NAV2: variants seen among roughly 807,000 people sequenced by gnomAD.
NAV2 encodes helicase, APC down-regulated 1.
NAV2 carries 54 observed loss-of-function variants against 223.2 expected under a neutral mutation model. The observed-to-expected ratio is 0.24, with a 90% confidence interval of 0.19 to 0.30. NAV2 has a LOEUF of 0.30. NAV2 is among the 10% of genes least tolerant of loss of function. NAV2 has a pLI of 1.00. For synonymous variants in NAV2, 1,279 were observed against 1,239.3 expected, an observed-to-expected ratio of 1.03 and a Z score of -0.67; for missense variants, 2,806 against 3,147.5, an observed-to-expected ratio of 0.89 and a Z score of 2.60.
At chr11:19,982,896 C>T (rs560845113) in intron 10 of NAV2, among the ~76,000 whole-genome samples, 1 of 152,174 alleles carries the variant, frequency 6.6e-6, no homozygotes, top group African/African-American at 2.4e-5. Context: ...AGGGTCGACT[C>T]CATATATGCA....
intron 10 of NAV2, among the ~76,000 whole-genome samples, chr11:19,968,650 C>T (rs1004646581): frequency 2.3e-4 from 35 of 152,206 alleles, no homozygotes; most frequent in Non-Finnish European, 5.0e-4. Context: ...TGTCTACCTT[C>T]TTGTGGAAGT....
intron 1 of NAV2, among the ~76,000 whole-genome samples, chr11:19,824,354 AT>A (rs2059543382): frequency 6.6e-6 from 1 of 152,330 alleles, no homozygotes; most frequent in South Asian, 2.1e-4. Context: ...AAGCCCACAA[AT>A]GTCCCAAGTA....
Position 19,933,560 on chromosome 11 carries a change from G to T in NAV2, c.1316G>T (p.Ser439Ile), listed in dbSNP as rs374272622. ...RLETLPSFEE[S>I]EELEAASRML... Reference sequence around the variant, plus strand: ...GAGACTCTGCCCAGCTTCGAAGAGAGCGAGGAGCTGGAGGCCGCCAGTCGC... The same window carrying T: ...GAGACTCTGCCCAGCTTCGAAGAGATCGAGGAGCTGGAGGCCGCCAGTCGC... Residue 439 changes from serine to isoleucine, a missense_variant, in exon 7 of 38, where the codon AGC becomes ATC. Coordinates refer to ENST00000349880, the MANE Select transcript of NAV2 (RefSeq NM_145117.5). The surrounding 1 kb of genome is among the most constrained non-coding windows in gnomAD (Gnocchi z 4.3). 37 of 1,610,572 alleles carry T rather than the reference G, an allele frequency of 2.3e-5. No individual in the cohort carries two copies. Among genetic ancestry groups the T allele is most frequent in the Non-Finnish European group, 2.8e-5 (33 of 1,178,016 alleles).
chr11:19,742,159 C>G (rs1262444906), intron 1 of NAV2, among the ~76,000 whole-genome samples: 1 of 152,186 alleles, frequency 6.6e-6, no homozygotes, highest in Non-Finnish European at 1.5e-5. Flanking sequence ...TCCTGAGCCC[C>G]TTATACTCCA....
At chr11:20,060,936 C>G (rs1300569245) in intron 19 of NAV2, among the ~76,000 whole-genome samples, 1 of 152,182 alleles carries the variant, frequency 6.6e-6, no homozygotes, top group East Asian at 1.9e-4. Context: ...TACTTATCAG[C>G]TATCTTGTTG....
chr11:20,107,765 G>A lies in NAV2; in HGVS notation c.6943G>A (p.Val2315Ile), dbSNP rs35891966. Residue 2315 changes from valine to isoleucine, a missense_variant, in exon 36 of 38, where the codon GTC becomes ATC. Transcript: ENST00000349880. ...YSIIPYLLEA[V>I]REGLQLYGRR... ...CATTATCCCCTATCTCCTGGAAGCCGTCAGAGAAGGACTCCAGGTGAGAAG... is the reference window on the plus strand; with the variant it reads ...CATTATCCCCTATCTCCTGGAAGCCATCAGAGAAGGACTCCAGGTGAGAAG... The A allele has an allele frequency of 0.06, 96,399 of 1,612,648 alleles. 3,391 individuals are homozygous for A. Among genetic ancestry groups the A allele is most frequent in the Non-Finnish European group, 0.07 (82,613 of 1,178,616 alleles).
At chr11:19,640,918 A>G (rs896660953) in intron 1 of NAV2, among the ~76,000 whole-genome samples, 4 of 152,188 alleles carry the variant, frequency 2.6e-5, no homozygotes, top group African/African-American at 9.7e-5. Flanking sequence ...TAACCTGGGG[A>G]CCCAGGACAC....
intron 1 of NAV2, among the ~76,000 whole-genome samples, chr11:19,721,427 G>C (rs1310171068): frequency 1.3e-5 from 2 of 152,216 alleles, no homozygotes; most frequent in Non-Finnish European, 2.9e-5. Context: ...TGGCCGGGCT[G>C]ATTCTAGACA....
chr11:20,096,550 C>T (rs1247922595), intron 30 of NAV2, among the ~76,000 whole-genome samples: 1 of 152,186 alleles, frequency 6.6e-6, no homozygotes, highest in African/African-American at 2.4e-5. Flanking sequence ...TCAGGTTGGG[C>T]ACTTTTTCAA....
rs953940164 is a variant in NAV2 at position 19,506,916 on chromosome 11, T to G, written c.75+155889T>G. The G allele has an allele frequency of 2.6e-5, 4 of 152,186 alleles. No homozygotes were observed. The East Asian group carries it at 7.7e-4, about 29-fold the overall frequency. The allele number at this position is 152,186 out of a possible 1,614,324, so 9.4% of individuals were successfully genotyped here. A position where few individuals can be genotyped will look rare whatever the true frequency, so the allele number is the denominator to read the frequency against. On this transcript the variant is annotated intron_variant, in intron 1 of 37. Transcript: ENST00000360655. ...ATTTCAAGATGGGGCCAGCAGAGTA[T>G]TGAATCAAGCACAGGGCCCTCCTGA...
At chr11:19,410,376 A>C (rs1328689211) in intron 1 of NAV2, among the ~76,000 whole-genome samples, 1 of 152,186 alleles carries the variant, frequency 6.6e-6, no homozygotes, top group Non-Finnish European at 1.5e-5. Context: ...GCACTATTCT[A>C]AGCACTTTAC....
chr11:20,112,177 C>A (rs2153721745), intron 36 of NAV2, among the ~76,000 whole-genome samples: 1 of 152,270 alleles, frequency 6.6e-6, no homozygotes, highest in South Asian at 2.1e-4. Flanking sequence ...TCCAAATATC[C>A]CACTTTTGCA....
Position 19,877,470 on chromosome 11 carries a change from C to CTTTTTTTTTTCTTTCTTTTTTCTTTTCT in NAV2, c.512-2389_512-2388insCTTTCTTTTTTCTTTTCTTTTTTTTTTT, listed in dbSNP as rs2062910879. Among the ~76,000 whole-genome samples, 11 of 82,606 alleles carry CTTTTTTTTTTCTTTCTTTTTTCTTTTCT rather than the reference C, an allele frequency of 1.3e-4. No homozygotes were observed. The South Asian group carries it at 1.6e-3, about 12-fold the overall frequency. 54.2% of individuals were successfully genotyped at this position (82,606 alleles called of 152,430 possible). ...AGACCTTGCTTGGCTTATCTTCATT[C>CTTTTTTTTTTCTTTCTTTTTTCTTTTCT]TTTTTTTTTTTTTTTTTTTTGAGAC... On this transcript the variant is annotated intron_variant, in intron 4 of 37. Coordinates refer to ENST00000349880, the MANE Select transcript of NAV2 (RefSeq NM_145117.5).
chr11:20,042,079 G>T (rs376957784), intron 12 of NAV2, among the ~76,000 whole-genome samples: 1 of 152,126 alleles, frequency 6.6e-6, no homozygotes, highest in Non-Finnish European at 1.5e-5. Context: ...CTGACCCTCC[G>T]TGGTGCCTGG....
At chr11:19,558,258 G>A (rs1390837369) in intron 1 of NAV2, among the ~76,000 whole-genome samples, 1 of 152,180 alleles carries the variant, frequency 6.6e-6, no homozygotes, top group African/African-American at 2.4e-5. Context: ...TCTGCAATTA[G>A]GGCAGGGCTC....
intron 19 of NAV2, among the ~76,000 whole-genome samples, chr11:20,062,016 T>G (rs896925972): frequency 1.3e-4 from 20 of 152,234 alleles, no homozygotes; most frequent in Admixed American, 3.3e-4. Context: ...TTCTTAACAC[T>G]TCTCCGTACT....
intron 1 of NAV2, among the ~76,000 whole-genome samples, chr11:19,770,458 T>C (rs779492950): frequency 3.6e-4 from 54 of 151,908 alleles, no homozygotes; most frequent in Non-Finnish European, 6.9e-4. Flanking sequence ...CTCCCAAAGA[T>C]TGCACAATTT....
rs546327992 is a variant in NAV2, at chr11:19,994,719, A to T, written c.2768+10472A>T. 2.1e-3 allele frequency among the ~76,000 whole-genome samples: 323 copies of T among 152,266 alleles called. 1 individual carries two copies. Among genetic ancestry groups the T allele is most frequent in the Non-Finnish European group, 3.0e-3 (203 of 68,012 alleles). ...TAACCTTTTGCATTTGTCATGCTGG[A>T]CAGCTGTGACACCCAGAGTTGTAGT... On this transcript the variant is annotated intron_variant, in intron 11 of 37. Coordinates refer to ENST00000349880, the MANE Select transcript of NAV2 (RefSeq NM_145117.5).
At chr11:19,754,467 A>G (rs1356320714) in intron 1 of NAV2, among the ~76,000 whole-genome samples, 1 of 152,196 alleles carries the variant, frequency 6.6e-6, no homozygotes, top group Non-Finnish European at 1.5e-5. Context: ...AGGATAAGTC[A>G]TTCCAAGCCT....
Sources: allele counts gnomAD v4.1 joint callset (sites outside exome capture counted in the v4.1 genomes callset), GRCh38; gene constraint gnomAD v4.1.1; non-coding constraint Gnocchi (gnomAD v3.1); transcripts MANE v1.5; gene names NCBI Gene and HGNC (gene_info 2026-07-23, HGNC 2026-07-21).